BCL2: variants seen among roughly 807,000 people sequenced by gnomAD.
The protein encoded by BCL2 is BCL2 apoptosis regulator, also known as apoptosis regulator Bcl-2.
In BCL2, 1 loss-of-function variant was observed where a neutral mutation model predicts 14.2. That is an observed-to-expected ratio of 0.07 (90% CI 0.02 to 0.33). The LOEUF (loss-of-function observed/expected upper bound fraction) is 0.33, where lower values mean the gene tolerates loss of function less well. BCL2 is among the 10% of genes least tolerant of loss of function. The pLI is 0.99. For missense variants in BCL2, 247 were observed against 305.9 expected, an observed-to-expected ratio of 0.81 and a Z score of 1.44; for synonymous variants, 151 against 137.2, an observed-to-expected ratio of 1.10 and a Z score of -0.70.
At chr18:63,306,793 C>T (rs1182665554) in intron 2 of BCL2, among the ~76,000 whole-genome samples, 1 of 152,100 alleles carries the variant, frequency 6.6e-6, no homozygotes, top group Non-Finnish European at 1.5e-5. Context: ...TGAATACAGC[C>T]CAACACACAT....
chr18:63,246,014 T>G (rs1316160499), intron 2 of BCL2, among the ~76,000 whole-genome samples: 1 of 152,158 alleles, frequency 6.6e-6, no homozygotes, highest in Non-Finnish European at 1.5e-5. Context: ...CCTTTGTCAA[T>G]ATGAGAGCTC....
intron 2 of BCL2, among the ~76,000 whole-genome samples, chr18:63,218,814 C>G (rs1239806090): frequency 1.5e-5 from 2 of 137,072 alleles, no homozygotes; most frequent in Non-Finnish European, 3.2e-5. Flanking sequence ...CCCCTCCACT[C>G]ATCCCCATCC....
At chr18:63,205,700 A>G (rs536250201) in intron 2 of BCL2, among the ~76,000 whole-genome samples, 3 of 152,322 alleles carry the variant, frequency 2.0e-5, no homozygotes, top group African/African-American at 7.2e-5. Flanking sequence ...CTAGAAAAAG[A>G]AAAGAAGAAG....
intron 2 of BCL2, chr18:63,208,131 G>C (rs1201490326): frequency 1.3e-5 from 2 of 152,124 alleles, no homozygotes; most frequent in Non-Finnish European, 2.9e-5. Context: ...ACCTGTTATG[G>C]AATATACTTC....
At chr18:63,164,401 A>G (rs1914992330) in intron 2 of BCL2, among the ~76,000 whole-genome samples, 1 of 152,164 alleles carries the variant, frequency 6.6e-6, no homozygotes, top group Admixed American at 6.5e-5. Context: ...ATGCCTGAGA[A>G]CTCCAGATTA....
intron 2 of BCL2, among the ~76,000 whole-genome samples, chr18:63,300,396 A>C (rs1912928634): frequency 6.6e-6 from 1 of 151,860 alleles, no homozygotes; most frequent in Non-Finnish European, 1.5e-5. Context: ...AGGATATGTA[A>C]GAGTTTGTTC....
At chr18:63,274,573 C>T (rs1466054275) in intron 2 of BCL2, among the ~76,000 whole-genome samples, 1 of 152,094 alleles carries the variant, frequency 6.6e-6, no homozygotes, top group East Asian at 1.9e-4. Flanking sequence ...GCATGAGCCA[C>T]CATATGCAGC....
At chr18:63,210,555 T>C (rs1909970534) in intron 2 of BCL2, among the ~76,000 whole-genome samples, 1 of 152,210 alleles carries the variant, frequency 6.6e-6, no homozygotes, top group Non-Finnish European at 1.5e-5. Context: ...TGAGCACATA[T>C]ATTAATTTAA....
At chr18:63,133,319 A>ATTTTTTTTTTTTTTTTTTTTTTTTTTTT (rs34022610) in intron 2 of BCL2, among the ~76,000 whole-genome samples, 1 of 103,372 alleles carries the variant, frequency 9.7e-6, no homozygotes, top group Non-Finnish European at 1.9e-5. Flanking sequence ...ACCTTCAAGA[A>ATTTTTTTTTTTTTTTTTTTTTTTTTTTT]TTTTTTTTTT....
At chr18:63,311,709 A>T (rs1036787427) in intron 2 of BCL2, among the ~76,000 whole-genome samples, 2 of 152,170 alleles carry the variant, frequency 1.3e-5, no homozygotes, top group African/African-American at 4.8e-5. Flanking sequence ...CCATTGACGC[A>T]TGTGGCCCAA....
intron 2 of BCL2, among the ~76,000 whole-genome samples, chr18:63,205,014 G>T (rs1047998391): frequency 1.3e-5 from 2 of 152,154 alleles, no homozygotes; most frequent in Non-Finnish European, 2.9e-5. Context: ...GGTGGATGGG[G>T]ACGGAGGTGC....
intron 2 of BCL2, among the ~76,000 whole-genome samples, chr18:63,217,462 A>G (rs969853978): frequency 6.6e-6 from 1 of 152,210 alleles, no homozygotes; most frequent in African/African-American, 2.4e-5. Flanking sequence ...TTCATAGAGT[A>G]GTAGGGTTTT....
intron 2 of BCL2, among the ~76,000 whole-genome samples, chr18:63,176,579 C>T (rs1404862512): frequency 6.6e-6 from 1 of 152,130 alleles, no homozygotes; most frequent in Non-Finnish European, 1.5e-5. Context: ...TGGGCAAGGG[C>T]AGTAATAGTC....
At chr18:63,167,604 A>G (rs1199716064) in intron 2 of BCL2, among the ~76,000 whole-genome samples, 2 of 151,602 alleles carry the variant, frequency 1.3e-5, no homozygotes, top group Non-Finnish European at 2.9e-5. Flanking sequence ...ACATAGCAAG[A>G]CCTCCATCTC....
intron 2 of BCL2, among the ~76,000 whole-genome samples, chr18:63,267,757 G>C (rs1911875397): frequency 6.6e-6 from 1 of 152,156 alleles, no homozygotes; most frequent in Non-Finnish European, 1.5e-5. Context: ...GCCACCAATG[G>C]TCCCTCTGGT....
intron 2 of BCL2, among the ~76,000 whole-genome samples, chr18:63,284,793 T>G: frequency 6.6e-6 from 1 of 150,532 alleles, no homozygotes; most frequent in Non-Finnish European, 1.5e-5. Flanking sequence ...ATTCCAGGGG[T>G]GGGGGGTTTG....
chr18:63,211,475 G>A (rs1188471719), intron 2 of BCL2, among the ~76,000 whole-genome samples: 1 of 152,108 alleles, frequency 6.6e-6, no homozygotes, highest in African/African-American at 2.4e-5. Flanking sequence ...ATCTCTATGT[G>A]ACATTTTTTT....
intron 2 of BCL2, among the ~76,000 whole-genome samples, chr18:63,224,942 T>G (rs904371072): frequency 6.6e-6 from 1 of 151,866 alleles, no homozygotes; most frequent in Admixed American, 6.6e-5. Context: ...AGGGAAGTTC[T>G]AGAATAACAG....
intron 2 of BCL2, among the ~76,000 whole-genome samples, chr18:63,145,587 G>T (rs1914491497): frequency 6.6e-6 from 1 of 152,218 alleles, no homozygotes; most frequent in Non-Finnish European, 1.5e-5. Flanking sequence ...TACCTGCCAA[G>T]TGTTTTACAA....
Sources: gnomAD v4.1 joint callset for allele counts (sites outside exome capture counted in the v4.1 genomes callset) on GRCh38, gnomAD v4.1.1 for gene constraint, MANE v1.5 for transcripts, NCBI Gene and HGNC (gene_info 2026-07-23, HGNC 2026-07-21) for gene names.